NCAM2: variants seen among roughly 807,000 people sequenced by gnomAD.
NCAM2 encodes neural cell adhesion molecule 2.
In NCAM2, 30 loss-of-function variants were observed where a neutral mutation model predicts 98.1. That is an observed-to-expected ratio of 0.31 (90% CI 0.23 to 0.41). The LOEUF is 0.41. Ranked by LOEUF, NCAM2 falls within the 10% of genes least tolerant of loss-of-function variation. NCAM2 has a pLI of 1.00. For synonymous variants in NCAM2, 368 were observed against 342.4 expected, an observed-to-expected ratio of 1.07 and a Z score of -0.83; for missense variants, 867 against 1,005.8, an observed-to-expected ratio of 0.86 and a Z score of 1.87.
chr21:21,261,760 GAAAGATCT>G, intron 1 of NCAM2, among the ~76,000 whole-genome samples: 1 of 152,020 alleles, frequency 6.6e-6, no homozygotes, highest in Admixed American at 6.6e-5. Flanking sequence ...CAAAATGATA[GAAAGATCT>G]CAAATTTACA....
intron 4 of NCAM2, among the ~76,000 whole-genome samples, chr21:21,290,590 G>A (rs939555343): frequency 1.3e-5 from 2 of 151,842 alleles, no homozygotes; most frequent in Non-Finnish European, 2.9e-5. Context: ...GAAAAAGTGA[G>A]CATTATGGAA....
chr21:21,514,245 G>A (rs1273802827), intron 16 of NCAM2, among the ~76,000 whole-genome samples: 2 of 150,900 alleles, frequency 1.3e-5, no homozygotes, highest in Non-Finnish European at 3.0e-5. Flanking sequence ...GGAGGCTGAG[G>A]CGGGTGGATC....
At chr21:21,125,508 T>TACATATAATATGTAATATATAATATA (rs1601434524) in intron 1 of NCAM2, among the ~76,000 whole-genome samples, 2 of 75,858 alleles carry the variant, frequency 2.6e-5, no homozygotes, top group Non-Finnish European at 4.9e-5. Flanking sequence ...TATGTAATAT[T>TACATATAATATGTAATATATAATATA]TTACATATAT....
At chr21:21,021,560 T>C (rs1041204006) in intron 1 of NCAM2, among the ~76,000 whole-genome samples, 2 of 152,202 alleles carry the variant, frequency 1.3e-5, no homozygotes, top group Non-Finnish European at 2.9e-5. Context: ...TTGTTATGTT[T>C]ATAAAAACTA....
chr21:21,074,079 A>G (rs2065628446), intron 1 of NCAM2, among the ~76,000 whole-genome samples: 1 of 152,162 alleles, frequency 6.6e-6, no homozygotes, highest in African/African-American at 2.4e-5. Flanking sequence ...CTTAACATTC[A>G]TTTGATATAA....
intron 1 of NCAM2, among the ~76,000 whole-genome samples, chr21:21,117,052 T>C (rs1254465728): frequency 6.6e-6 from 1 of 152,188 alleles, no homozygotes. Context: ...CAGTGTACAA[T>C]ATGATGATTT....
chr21:21,240,133 T>C (rs1054690937), intron 1 of NCAM2, among the ~76,000 whole-genome samples: 2 of 152,152 alleles, frequency 1.3e-5, no homozygotes, highest in Non-Finnish European at 2.9e-5. Flanking sequence ...GTAAAATGGC[T>C]CTACTGAAGA....
At chr21:21,506,801 C>A (rs369353428) in intron 15 of NCAM2, among the ~76,000 whole-genome samples, 2 of 151,914 alleles carry the variant, frequency 1.3e-5, no homozygotes, top group South Asian at 2.1e-4. Context: ...TTGAAATTGA[C>A]ATTAATACAT....
intron 1 of NCAM2, among the ~76,000 whole-genome samples, chr21:21,261,066 T>G (rs1035729107): frequency 6.6e-6 from 1 of 152,024 alleles, no homozygotes; most frequent in Non-Finnish European, 1.5e-5. Flanking sequence ...TTTTGTATCA[T>G]ATGTAACAGA....
chr21:21,079,016 C>T (rs972241487), intron 1 of NCAM2, among the ~76,000 whole-genome samples: 8 of 151,872 alleles, frequency 5.3e-5, no homozygotes, highest in Non-Finnish European at 1.0e-4. Flanking sequence ...AGGGGAAGAA[C>T]ACACACCAGG....
At chr21:21,222,311 G>C (rs2070202406) in intron 1 of NCAM2, among the ~76,000 whole-genome samples, 1 of 152,078 alleles carries the variant, frequency 6.6e-6, no homozygotes, top group South Asian at 2.1e-4. Context: ...CAACTTTCAA[G>C]TCTTATTATT....
At chr21:21,120,737 T>TTTTTTTTTTTTTTTTTTTTTTACCAG (rs2066655829) in intron 1 of NCAM2, among the ~76,000 whole-genome samples, 1 of 151,460 alleles carries the variant, frequency 6.6e-6, no homozygotes. Flanking sequence ...TTTTTTTCTT[T>TTTTTTTTTTTTTTTTTTTTTTACCAG]GAGATGGAGT....
In NCAM2 at chr21:21,508,808, C is replaced by CTTTTTTTTTTTTTTTTTTTTTT. The variant is rs764097299; in HGVS notation, c.2078-32_2078-11dup. 2.2e-5 allele frequency: 9 copies of CTTTTTTTTTTTTTTTTTTTTTT among 413,282 alleles called. 1 individual carries two copies. Among genetic ancestry groups the CTTTTTTTTTTTTTTTTTTTTTT allele is most frequent in the Admixed American group, 7.3e-5 (1 of 13,760 alleles). The allele number at this position is 413,282 out of a possible 1,614,324, so 25.6% of individuals were successfully genotyped here. Reference sequence around the variant, plus strand: ...ATTTAGAGGTTTAATACTTTTTTTCCTTTTTTTTTTTTTTTTTTTTTTTTT... The same window carrying CTTTTTTTTTTTTTTTTTTTTTT: ...ATTTAGAGGTTTAATACTTTTTTTCCTTTTTTTTTTTTTTTTTTTTTTTTTTTTTTTTTTTTTTTTTTTTTTT... On this transcript the variant is annotated intron_variant, in intron 15 of 17. Coordinates refer to ENST00000400546, the MANE Select transcript of NCAM2 (RefSeq NM_004540.5).
chr21:21,095,489 TAA>T (rs35258026), intron 1 of NCAM2, among the ~76,000 whole-genome samples: 1 of 149,128 alleles, frequency 6.7e-6, no homozygotes, highest in East Asian at 2.0e-4. Flanking sequence ...TTTACCTTTT[TAA>T]AAAAAAAAGC....
chr21:21,485,464 A>G (rs535489667), intron 15 of NCAM2, among the ~76,000 whole-genome samples: 1 of 152,298 alleles, frequency 6.6e-6, no homozygotes, highest in South Asian at 2.1e-4. Context: ...AGAAGTTGAA[A>G]TCAAGATGGG....
Position 21,313,677 on chromosome 21 carries a change from G to T in NCAM2, c.620-10706G>T, listed in dbSNP as rs78439512. Among the ~76,000 whole-genome samples the T allele has an allele frequency of 8.4e-3, 1,270 of 151,890 alleles. 18 individuals carry two copies. The highest frequency in any genetic ancestry group is 0.029 in the African/African-American group (1,213 of 41,514). On this transcript the variant is annotated intron_variant, in intron 5 of 17. Coordinates refer to ENST00000400546, the MANE Select transcript of NCAM2 (RefSeq NM_004540.5). ...TCTGTGTTTTTATTCATGAAATTAA[G>T]CCATTTACACTTCATTCAGATTTAC... is the stretch of plus-strand genomic sequence containing the variant.
intron 16 of NCAM2, among the ~76,000 whole-genome samples, chr21:21,514,906 A>G (rs1252840145): frequency 2.0e-5 from 3 of 152,126 alleles, no homozygotes; most frequent in African/African-American, 7.2e-5. Context: ...AATCTTTGCC[A>G]TGGTTGTTTT....
At chr21:21,453,456 G>A (rs1602389357) in intron 12 of NCAM2, among the ~76,000 whole-genome samples, 2 of 152,024 alleles carry the variant, frequency 1.3e-5, no homozygotes, top group Admixed American at 6.6e-5. Context: ...GTCCCATGGG[G>A]CCTTACAGGC....
At chr21:21,141,310 G>T (rs1179809401) in intron 1 of NCAM2, among the ~76,000 whole-genome samples, 1 of 152,086 alleles carries the variant, frequency 6.6e-6, no homozygotes, top group Non-Finnish European at 1.5e-5. Flanking sequence ...GTTGTCTGGT[G>T]TCTCCTTTAA....
Sources: allele counts gnomAD v4.1 joint callset (sites outside exome capture counted in the v4.1 genomes callset), GRCh38; gene constraint gnomAD v4.1.1; transcripts MANE v1.5; gene names NCBI Gene and HGNC (gene_info 2026-07-23, HGNC 2026-07-21).